The following GRIK4 variants were observed in gnomAD, a reference collection of about 807,000 sequenced individuals.
GRIK4 encodes the protein glutamate receptor ionotropic, kainate 4.
In GRIK4, 40 loss-of-function variants were observed where a neutral mutation model predicts 104.9. That is an observed-to-expected ratio of 0.38 (90% CI 0.30 to 0.50). GRIK4 has a LOEUF of 0.50. Among genes scored for constraint, GRIK4 ranks in the 20% least tolerant of loss-of-function variants. The pLI is 0.93. For missense variants in GRIK4, 1,047 were observed against 1,308.1 expected (o/e 0.80, Z 3.08); for synonymous variants, 485 against 524.9 (o/e 0.92, Z 1.04).
intron 8 of GRIK4, among the ~76,000 whole-genome samples, chr11:120,846,473 C>T (rs1422822919): frequency 6.6e-6 from 1 of 152,162 alleles, no homozygotes; most frequent in East Asian, 1.9e-4. Flanking sequence ...TATGGCTTCC[C>T]TTACTGAAGC....
At chr11:120,822,962 T>G (rs1333828509) in intron 6 of GRIK4, among the ~76,000 whole-genome samples, 2 of 152,226 alleles carry the variant, frequency 1.3e-5, no homozygotes, top group Non-Finnish European at 2.9e-5. Context: ...AAGCTCTGCA[T>G]TCCACTGGGT....
chr11:120,978,336 G>A (rs1012849335), intron 19 of GRIK4, among the ~76,000 whole-genome samples: 2 of 152,182 alleles, frequency 1.3e-5, no homozygotes, highest in Non-Finnish European at 2.9e-5. Context: ...GAGTAGAGAA[G>A]GCAGCCTGGA....
At chr11:120,664,626 T>C (rs962403702) in intron 3 of GRIK4, among the ~76,000 whole-genome samples, 1 of 152,248 alleles carries the variant, frequency 6.6e-6, no homozygotes, top group African/African-American at 2.4e-5. Flanking sequence ...CTTCTAGAGC[T>C]GATGACCCCC....
At chr11:120,530,281 C>T (rs972656717) in intron 1 of GRIK4, among the ~76,000 whole-genome samples, 1 of 152,168 alleles carries the variant, frequency 6.6e-6, no homozygotes, top group South Asian at 2.1e-4. Context: ...GCAAATGAAT[C>T]GGTCGATGGC....
chr11:120,914,633 C>T (rs1943067805), intron 13 of GRIK4, among the ~76,000 whole-genome samples: 1 of 152,008 alleles, frequency 6.6e-6, no homozygotes, highest in Non-Finnish European at 1.5e-5. Flanking sequence ...ACAACTGGAG[C>T]CAAGCATGAG....
intron 8 of GRIK4, among the ~76,000 whole-genome samples, chr11:120,856,928 G>A (rs1025859312): frequency 4.6e-5 from 7 of 152,192 alleles, no homozygotes; most frequent in Admixed American, 2.0e-4. Context: ...ACATGTCCCC[G>A]GGGCCCTGCT....
chr11:120,751,868 T>C (rs1951560742), intron 3 of GRIK4, among the ~76,000 whole-genome samples: 2 of 152,008 alleles, frequency 1.3e-5, no homozygotes, highest in African/African-American at 2.4e-5. Flanking sequence ...CCGGTGAAGG[T>C]TCCTGGATCT....
chr11:120,863,711 C>A, intron 9 of GRIK4, among the ~76,000 whole-genome samples: 1 of 152,222 alleles, frequency 6.6e-6, no homozygotes, highest in East Asian at 1.9e-4. Flanking sequence ...GAGGCAAAGT[C>A]ATATCTAGAC....
intron 13 of GRIK4, among the ~76,000 whole-genome samples, chr11:120,906,081 C>T (rs138076320): frequency 3.2e-4 from 48 of 152,262 alleles, no homozygotes; most frequent in African/African-American, 9.1e-4. Flanking sequence ...AATGTGGAGA[C>T]GTGATTAACA....
At chr11:120,611,953 T>A (rs1713721386) in intron 1 of GRIK4, among the ~76,000 whole-genome samples, 1 of 152,190 alleles carries the variant, frequency 6.6e-6, no homozygotes, top group South Asian at 2.1e-4. Flanking sequence ...GCTTTTGGGT[T>A]GAGGGCACCC....
chr11:120,942,208 A>G (rs923901814), intron 14 of GRIK4, among the ~76,000 whole-genome samples: 1 of 152,298 alleles, frequency 6.6e-6, no homozygotes, highest in East Asian at 1.9e-4. Flanking sequence ...ATTTATAGAC[A>G]TGGAAACTGA....
At chr11:120,687,732 T>A (rs1950298157) in intron 3 of GRIK4, among the ~76,000 whole-genome samples, 1 of 152,016 alleles carries the variant, frequency 6.6e-6, no homozygotes, top group African/African-American at 2.4e-5. Context: ...CCCTGCCGGG[T>A]TGTGTTTTGG....
rs185672757 is a variant in GRIK4, at chr11:120,512,334, C to T, written c.-159+447C>T. ...GTCTCCCCTACACCTCGTCACCCTC[C>T]GCTTCTCCCAGCGCCTCTGTTCCCC... is the stretch of plus-strand genomic sequence containing the variant. On this transcript the variant is annotated intron_variant, in intron 1 of 20. Coordinates refer to ENST00000527524, the MANE Select transcript of GRIK4 (RefSeq NM_014619.5). Among the ~76,000 whole-genome samples the T allele has an allele frequency of 2.2e-3, 338 of 151,932 alleles. 2 individuals carry two copies. Among genetic ancestry groups the T allele is most frequent in the Non-Finnish European group, 4.1e-3 (280 of 67,944 alleles).
chr11:120,813,382 G>A (rs1440146582), intron 4 of GRIK4, among the ~76,000 whole-genome samples: 1 of 152,164 alleles, frequency 6.6e-6, no homozygotes, highest in African/African-American at 2.4e-5. Flanking sequence ...TGAACTTCAA[G>A]CACCTAGTGG....
intron 1 of GRIK4, among the ~76,000 whole-genome samples, chr11:120,573,471 G>A (rs569009039): frequency 6.6e-6 from 1 of 152,120 alleles, no homozygotes; most frequent in Admixed American, 6.5e-5. Context: ...GATCACCCCC[G>A]CCACTGCTGG....
At chr11:120,909,308 T>A (rs2134522131) in intron 13 of GRIK4, among the ~76,000 whole-genome samples, 1 of 152,378 alleles carries the variant, frequency 6.6e-6, no homozygotes, top group Middle Eastern at 3.4e-3. Context: ...GTGATTATCT[T>A]AGGGACACCA....
intron 1 of GRIK4, among the ~76,000 whole-genome samples, chr11:120,621,573 G>A (rs756148523): frequency 6.6e-6 from 1 of 152,132 alleles, no homozygotes; most frequent in Non-Finnish European, 1.5e-5. Context: ...GAAGGTCCTG[G>A]CATCCTCAGG....
chr11:120,678,935 G>GT lies in GRIK4; in HGVS notation c.82+18547dup, dbSNP rs56145030. 5.7e-3 allele frequency among the ~76,000 whole-genome samples: 841 copies of GT among 148,480 alleles called. 10 individuals are homozygous for GT. Among genetic ancestry groups the GT allele is most frequent in the African/African-American group, 0.016 (649 of 40,500 alleles). On this transcript the variant is annotated intron_variant, in intron 3 of 20. Coordinates refer to ENST00000527524, the MANE Select transcript of GRIK4 (RefSeq NM_014619.5). ...GGTATGAGCCACCACGCCTGGCCTGGTTTTTTTTTTTTGTTTGTTTGTTTT... is the reference window on the plus strand; with the variant it reads ...GGTATGAGCCACCACGCCTGGCCTGGTTTTTTTTTTTTTGTTTGTTTGTTTT...
intron 3 of GRIK4, among the ~76,000 whole-genome samples, chr11:120,688,704 ATAAT>A (rs537020562): frequency 1.3e-5 from 2 of 152,350 alleles, no homozygotes; most frequent in Middle Eastern, 3.4e-3. Context: ...AGAGCCGAAA[ATAAT>A]TAATCACATT....
Sources: gnomAD v4.1 joint callset for allele counts (sites outside exome capture counted in the v4.1 genomes callset) on GRCh38, gnomAD v4.1.1 for gene constraint, MANE v1.5 for transcripts, NCBI Gene and HGNC (gene_info 2026-07-23, HGNC 2026-07-21) for gene names.